The following SMIM35 variants were observed in gnomAD, a reference collection of about 807,000 sequenced individuals.
SMIM35 encodes TMPRSS4 antisense RNA 1 (non-protein coding).
At chr11:118,084,024 C>T (rs904258828) in intron 1 of SMIM35, among the ~76,000 whole-genome samples, 5 of 152,042 alleles carry the variant, frequency 3.3e-5, no homozygotes, top group African/African-American at 9.7e-5. Context: ...GGCAACAGAG[C>T]GAGACTCCAT....
chr11:118,029,005 T>C (rs1181723260), intron 1 of SMIM35: 2 of 366,500 alleles, frequency 5.5e-6, no homozygotes, highest in Admixed American at 3.5e-5. Context: ...TTTTTGAAAA[T>C]AGAATCAAGA....
At chr11:118,057,397 G>T (rs1433332170) in intron 1 of SMIM35, among the ~76,000 whole-genome samples, 1 of 152,158 alleles carries the variant, frequency 6.6e-6, no homozygotes, top group Non-Finnish European at 1.5e-5. Context: ...TGGGGGAGGG[G>T]AGTCCTGATG....
chr11:118,019,074 C>T (rs911168155), intron 1 of SMIM35, among the ~76,000 whole-genome samples: 2 of 152,118 alleles, frequency 1.3e-5, no homozygotes, highest in South Asian at 2.1e-4. Flanking sequence ...CTGCTGTACA[C>T]CTTTTTTATA....
intron 1 of SMIM35, among the ~76,000 whole-genome samples, chr11:118,078,233 G>A (rs893742133): frequency 5.9e-5 from 9 of 152,216 alleles, no homozygotes; most frequent in African/African-American, 1.9e-4. Context: ...GAGGGCCAGG[G>A]AGGGGAAGAG....
chr11:118,071,529 G>A (rs1379929608), intron 1 of SMIM35, among the ~76,000 whole-genome samples: 1 of 152,200 alleles, frequency 6.6e-6, no homozygotes, highest in Non-Finnish European at 1.5e-5. Flanking sequence ...TTCCAGAGCT[G>A]CTTGGTATGA....
chr11:118,052,982 C>T (rs1944243346), intron 1 of SMIM35, among the ~76,000 whole-genome samples: 1 of 152,186 alleles, frequency 6.6e-6, no homozygotes, highest in Non-Finnish European at 1.5e-5. Context: ...AGGGTCCAGA[C>T]AGGCTTATCT....
At chr11:118,081,728 A>C (rs552160152) in intron 1 of SMIM35, among the ~76,000 whole-genome samples, 1 of 151,874 alleles carries the variant, frequency 6.6e-6, no homozygotes, top group South Asian at 2.1e-4. Flanking sequence ...CTGCTGTCTC[A>C]GTTTCTTCCT....
chr11:118,006,345 G>T lies in SMIM35; in HGVS notation c.*65C>A, dbSNP rs982263544. On this transcript the variant is annotated 3_prime_UTR_variant, in exon 5 of 5. Transcript: ENST00000689828. ...CTTTCTGTTCTCTCCACATGAAACTGTCATGTCAGTTCTGGGCCTCAGTCT... is the reference window on the plus strand; with the variant it reads ...CTTTCTGTTCTCTCCACATGAAACTTTCATGTCAGTTCTGGGCCTCAGTCT... 1 of 152,222 alleles carries T rather than the reference G, an allele frequency of 6.6e-6. No individual in the cohort carries two copies. Among genetic ancestry groups the T allele is most frequent in the South Asian group, 2.1e-4 (1 of 4,832 alleles). 9.4% of individuals were successfully genotyped at this position (152,222 alleles called of 1,614,324 possible).
At chr11:118,014,564 C>A in intron 3 of SMIM35, 144 bp downstream of exon 3, 1 of 396,748 alleles carries the variant, frequency 2.5e-6, no homozygotes, top group Non-Finnish European at 4.4e-6. Context: ...TAAATGGATT[C>A]TCGTGCCCTT....
At chr11:118,028,901 AG>A (rs765068601) in intron 1 of SMIM35, 3 of 430,266 alleles carry the variant, frequency 7.0e-6, no homozygotes, top group South Asian at 5.0e-5. Context: ...GAGGGGAAGG[AG>A]GACAGGAGGA....
chr11:118,062,956 C>A (rs1944414499), intron 1 of SMIM35, among the ~76,000 whole-genome samples: 1 of 152,040 alleles, frequency 6.6e-6, no homozygotes, highest in Non-Finnish European at 1.5e-5. Context: ...TGGCCAAAAC[C>A]CACCAAGACC....
At chr11:118,038,553 A>T (rs624332) in intron 1 of SMIM35, among the ~76,000 whole-genome samples, 1 of 152,188 alleles carries the variant, frequency 6.6e-6, no homozygotes, top group East Asian at 1.9e-4. Context: ...AAATGAGTCC[A>T]ATTTAAGTAG....
chr11:118,013,723 G>A (rs777216382), intron 4 of SMIM35, 25 bp downstream of exon 4: 25 of 398,580 alleles, frequency 6.3e-5, no homozygotes, highest in African/African-American at 1.9e-4. Context: ...AGGCTCACTC[G>A]GCAGCTCTCC....
chr11:118,081,475 C>T (rs1454123196), intron 1 of SMIM35, among the ~76,000 whole-genome samples: 1 of 152,242 alleles, frequency 6.6e-6, no homozygotes, highest in African/African-American at 2.4e-5. Flanking sequence ...CCTCCCCTGC[C>T]CGTGGCCCCC....
chr11:118,028,904 A>G (rs2058295716), intron 1 of SMIM35: 1 of 429,842 alleles, frequency 2.3e-6, no homozygotes, highest in Non-Finnish European at 4.7e-6. Context: ...GGGAAGGAGG[A>G]CAGGAGGAGG....
rs1384669689 is a variant in SMIM35 at position 118,013,743 on chromosome 11, C to G, written c.*33+5G>C. On this transcript the variant is annotated splice_donor_5th_base_variant and intron_variant, in intron 4 of 4. Transcript: ENST00000689828. ...CACTCGGCAGCTCTCCCAACTCCAA[C>G]TCACCTCCCCAGGGCTTCACAAGTT... is the stretch of plus-strand genomic sequence containing the variant. The G allele has an allele frequency of 7.5e-6, 3 of 399,044 alleles. No individual in the cohort carries two copies. The highest frequency in any genetic ancestry group is 1.3e-5 in the Non-Finnish European group (3 of 226,192). The allele number at this position is 399,044 out of a possible 1,614,324, so 24.7% of individuals were successfully genotyped here. A position where few individuals can be genotyped will look rare whatever the true frequency, so the allele number is the denominator to read the frequency against.
intron 1 of SMIM35, among the ~76,000 whole-genome samples, chr11:118,044,315 G>GAAAAAA (rs34422344): frequency 3.1e-4 from 42 of 134,536 alleles, no homozygotes; most frequent in African/African-American, 1.2e-3. Flanking sequence ...TGGCAGAATT[G>GAAAAAA]AAAAAAAAAA....
intron 2 of SMIM35, 74 bp downstream of exon 2, chr11:118,015,619 C>A (rs1183932518): frequency 2.3e-5 from 9 of 399,136 alleles, no homozygotes. Context: ...TGCAGCCCTG[C>A]CGGGCATTGC....
chr11:118,071,311 C>A (rs944094651), intron 1 of SMIM35, among the ~76,000 whole-genome samples: 1 of 152,198 alleles, frequency 6.6e-6, no homozygotes, highest in African/African-American at 2.4e-5. Flanking sequence ...TTTTCAATTG[C>A]CTCGATTCTT....
Sources: gnomAD v4.1 joint callset for allele counts (sites outside exome capture counted in the v4.1 genomes callset) on GRCh38, gnomAD v4.1.1 for gene constraint, MANE v1.5 for transcripts, NCBI Gene and HGNC (gene_info 2026-07-23, HGNC 2026-07-21) for gene names.